ADCYAP1R1: variants seen among roughly 807,000 people sequenced by gnomAD.
ADCYAP1R1 encodes pituitary adenylate cyclase-activating polypeptide type I receptor.
ADCYAP1R1 carries 44 observed loss-of-function variants against 67.6 expected under a neutral mutation model. The ratio of observed to expected loss-of-function variants is 0.65; its 90% CI spans 0.51 to 0.84. The LOEUF (loss-of-function observed/expected upper bound fraction) is 0.84, where lower values mean the gene tolerates loss of function less well. ADCYAP1R1 is among the 40% of genes least tolerant of loss of function. The pLI, the probability that ADCYAP1R1 is intolerant of heterozygous loss-of-function variation, is 0.00. For missense variants in ADCYAP1R1, 477 were observed against 587.9 expected (o/e 0.81, Z 1.95); for synonymous variants, 222 against 219.6 (o/e 1.01, Z -0.10).
chr7:31,095,687 T>A (rs1474663033), intron 13 of ADCYAP1R1: 1 of 717,708 alleles, frequency 1.4e-6, no homozygotes, highest in Non-Finnish European at 2.6e-6. Flanking sequence ...AGCCCGCGAG[T>A]CCCCAAGAAA....
At chr7:31,106,475 C>A in intron 15 of ADCYAP1R1, 21 bp from the exon 16 acceptor site, 1 of 1,584,276 alleles carries the variant, frequency 6.3e-7, no homozygotes, top group Admixed American at 1.7e-5. Flanking sequence ...TGGAAGTGAC[C>A]GCCCAGTTTG....
Position 31,104,847 on chromosome 7 carries a change from G to T in ADCYAP1R1, c.1177-21G>T, listed in dbSNP as rs371042065. 4 of 1,613,858 alleles carry T rather than the reference G, an allele frequency of 2.5e-6. No individual in the cohort carries two copies. The African/African-American group carries it at 4.0e-5, about 16-fold the overall frequency. On this transcript the variant is annotated intron_variant, in intron 14 of 15. Transcript: ENST00000304166. ...GAAAGTCCTTTGCTAGCATCCTCAG[G>T]CTTATTTTCTCTATTCCCAGGGCTT...
chr7:31,080,563 C>T, intron 4 of ADCYAP1R1, 50 bp from the exon 5 acceptor site: 3 of 1,600,000 alleles, frequency 1.9e-6, no homozygotes, highest in Non-Finnish European at 2.6e-6. Context: ...CTTTTCTCAC[C>T]CCGCTGCTCA....
At chr7:31,104,951 G>A in intron 15 of ADCYAP1R1, 42 bp downstream of exon 15, 1 of 1,606,358 alleles carries the variant, frequency 6.2e-7, no homozygotes. Context: ...TGGAAGTGGG[G>A]CTTTCTGGGG....
At chr7:31,062,062 C>A (rs1180985495) in intron 1 of ADCYAP1R1, among the ~76,000 whole-genome samples, 1 of 152,122 alleles carries the variant, frequency 6.6e-6, no homozygotes, top group African/African-American at 2.4e-5. Flanking sequence ...CTTTGCTGTC[C>A]CATTTTTTAT....
intron 2 of ADCYAP1R1, 112 bp from the exon 3 acceptor site, chr7:31,064,719 C>T (rs1794658658): frequency 2.5e-6 from 2 of 814,624 alleles, no homozygotes; most frequent in South Asian, 1.5e-5. Context: ...TCACCCTCCT[C>T]TCTGCTTCTG....
In ADCYAP1R1 at chr7:31,108,746, A is replaced by ATGTGTGTGTGTG. The variant is rs3076597; in HGVS notation, c.*2086_*2097dup. ...CCTCATATCAGGTTTTGATGAATAT[A>ATGTGTGTGTGTG]TGTGTGTGTGTGTGTGTGTGTGTGT... On this transcript the variant is annotated 3_prime_UTR_variant, in exon 16 of 16. Coordinates refer to ENST00000304166, the MANE Select transcript of ADCYAP1R1 (RefSeq NM_001118.5). 26 of 148,086 alleles carry ATGTGTGTGTGTG rather than the reference A, an allele frequency of 1.8e-4. No homozygotes were observed. The highest frequency in any genetic ancestry group is 6.2e-4 in the African/African-American group (25 of 40,224). The allele number at this position is 148,086 out of a possible 1,614,324, so 9.2% of individuals were successfully genotyped here. A position where few individuals can be genotyped will look rare whatever the true frequency, so the allele number is the denominator to read the frequency against.
intron 3 of ADCYAP1R1, among the ~76,000 whole-genome samples, chr7:31,071,041 T>C (rs570099117): frequency 1.3e-5 from 2 of 152,308 alleles, no homozygotes; most frequent in South Asian, 4.1e-4. Flanking sequence ...TTAGATTGCA[T>C]GCTAAAATGG....
intron 1 of ADCYAP1R1, among the ~76,000 whole-genome samples, chr7:31,054,874 C>A (rs571681824): frequency 6.6e-6 from 1 of 152,312 alleles, no homozygotes; most frequent in East Asian, 1.9e-4. Flanking sequence ...GATGATGCCC[C>A]AGACAGGAGC....
chr7:31,059,805 C>G (rs772422028), intron 1 of ADCYAP1R1, among the ~76,000 whole-genome samples: 2 of 152,076 alleles, frequency 1.3e-5, no homozygotes, highest in East Asian at 1.9e-4. Context: ...AAAGGATTAC[C>G]GCCCAGAGAG....
chr7:31,101,413 T>C (rs139232180), intron 13 of ADCYAP1R1, among the ~76,000 whole-genome samples: 5 of 152,308 alleles, frequency 3.3e-5, no homozygotes, highest in Admixed American at 6.5e-5. Context: ...TGGGAACAGA[T>C]GCCAGGAGGA....
At position 31,110,933 on chromosome 7, in the gene ADCYAP1R1, C is replaced by A. The variant is rs1351388098; in HGVS notation, c.*4249C>A. ...CTGGAAGGGACTCCTTGCTGTTTATCTACTGCTTTGAGCCCTCCTAAGTTA... is the reference window on the plus strand; with the variant it reads ...CTGGAAGGGACTCCTTGCTGTTTATATACTGCTTTGAGCCCTCCTAAGTTA... On this transcript the variant is annotated 3_prime_UTR_variant, in exon 16 of 16. Coordinates refer to ENST00000304166, the MANE Select transcript of ADCYAP1R1 (RefSeq NM_001118.5). 3 of 152,190 alleles carry A rather than the reference C, an allele frequency of 2.0e-5. No homozygotes were observed. Among genetic ancestry groups the A allele is most frequent in the Non-Finnish European group, 4.4e-5 (3 of 68,028 alleles). The allele number at this position is 152,190 out of a possible 1,614,324, so 9.4% of individuals were successfully genotyped here.
chr7:31,085,519 A>G lies in ADCYAP1R1; in HGVS notation c.669+77A>G. On this transcript the variant is annotated intron_variant, in intron 9 of 15. Transcript: ENST00000304166. ...ATCCCCTTGGTTCCCCAGGACGCACATTACCTGCCTGACACCCTGCAGATC... is the reference window on the plus strand; with the variant it reads ...ATCCCCTTGGTTCCCCAGGACGCACGTTACCTGCCTGACACCCTGCAGATC... 1.2e-5 allele frequency: 18 copies of G among 1,499,792 alleles called. 2 individuals carry two copies. The highest frequency in any genetic ancestry group is 2.4e-4 in the Middle Eastern group (1 of 4,242). 92.9% of individuals were successfully genotyped at this position (1,499,792 alleles called of 1,614,324 possible).
intron 1 of ADCYAP1R1, among the ~76,000 whole-genome samples, chr7:31,058,047 G>A (rs1270943706): frequency 1.3e-5 from 2 of 152,190 alleles, no homozygotes; most frequent in East Asian, 1.9e-4. Context: ...ACCCCTGTGT[G>A]GGCTTATGTG....
chr7:31,056,544 C>T (rs531563616), intron 1 of ADCYAP1R1, among the ~76,000 whole-genome samples: 1 of 152,066 alleles, frequency 6.6e-6, no homozygotes, highest in Non-Finnish European at 1.5e-5. Context: ...TGGGGGTGGG[C>T]CAAGGAGACA....
chr7:31,107,770 T>A lies in ADCYAP1R1; in HGVS notation c.*1086T>A, dbSNP rs1019744097. 6.6e-6 allele frequency: 1 copy of A among 152,300 alleles called. No individual in the cohort carries two copies. The highest frequency in any genetic ancestry group is 2.4e-5 in the African/African-American group (1 of 41,434). 9.4% of individuals were successfully genotyped at this position (152,300 alleles called of 1,614,324 possible). ...ATGATGAGGAGCCCCAGACACCAGCTCCTCTGGCCTGGACTCAACTATTGA... is the reference window on the plus strand; with the variant it reads ...ATGATGAGGAGCCCCAGACACCAGCACCTCTGGCCTGGACTCAACTATTGA... On this transcript the variant is annotated 3_prime_UTR_variant, in exon 16 of 16. Transcript: ENST00000304166.
Position 31,060,757 on chromosome 7 carries a change from C to T in ADCYAP1R1, c.-71-2437C>T, listed in dbSNP as rs545335310. Among the ~76,000 whole-genome samples, 7 of 152,270 alleles carry T rather than the reference C, an allele frequency of 4.6e-5. No homozygotes were observed. In the South Asian group the frequency reaches 1.5e-3, roughly 32 times the overall value. Reference sequence around the variant, plus strand: ...ATCAGAAATCCACCAGTCCTCAAAACACAAACTCACTCTCTGTCTATTTGC... The same window carrying T: ...ATCAGAAATCCACCAGTCCTCAAAATACAAACTCACTCTCTGTCTATTTGC... On this transcript the variant is annotated intron_variant, in intron 1 of 15. Transcript: ENST00000304166.
At chr7:31,074,302 A>G (rs944696299) in intron 3 of ADCYAP1R1, among the ~76,000 whole-genome samples, 3 of 152,060 alleles carry the variant, frequency 2.0e-5, no homozygotes, top group Admixed American at 6.6e-5. Flanking sequence ...CCCTCACTCT[A>G]TCCTCAAACA....
chr7:31,063,350 G>C (rs7807667), intron 2 of ADCYAP1R1, 35 bp downstream of exon 2: 186,196 of 1,612,988 alleles, frequency 0.12, 11,464 homozygotes, highest in African/African-American at 0.19. Flanking sequence ...GGGAGCCCCA[G>C]GCTCACCTGA....
Sources: gnomAD v4.1 joint callset for allele counts (sites outside exome capture counted in the v4.1 genomes callset) on GRCh38, gnomAD v4.1.1 for gene constraint, MANE v1.5 for transcripts, NCBI Gene and HGNC (gene_info 2026-07-23, HGNC 2026-07-21) for gene names.